The following RNF17 variants were observed in gnomAD, a reference collection of about 807,000 sequenced individuals.
RNF17 encodes the protein ring finger protein 17, also known as spermatogenesis associated 23.
Under a neutral mutation model 200.5 loss-of-function variants are expected in RNF17, and 31 were observed. That is an observed-to-expected ratio of 0.15 (90% confidence interval 0.12 to 0.21). RNF17 has a LOEUF of 0.21. RNF17 is among the 10% of genes least tolerant of loss of function. RNF17 has a pLI of 1.00. For missense variants in RNF17, 1,628 were observed against 1,905.1 expected (o/e 0.85, Z 2.71); for synonymous variants, 606 against 637.8 (o/e 0.95, Z 0.75).
At chr13:24,860,045 AT>A in intron 26 of RNF17, among the ~76,000 whole-genome samples, 1 of 151,936 alleles carries the variant, frequency 6.6e-6, no homozygotes, top group East Asian at 1.9e-4. Context: ...TGAACTACAA[AT>A]TTTTAATGGT....
intron 33 of RNF17, among the ~76,000 whole-genome samples, chr13:24,875,231 C>CA (rs778311281): frequency 3.9e-4 from 59 of 152,146 alleles, no homozygotes; most frequent in Non-Finnish European, 1.3e-4. Context: ...ATTGAAACAA[C>CA]AACAAACATT....
rs547305004 is a variant in RNF17, at chr13:24,845,226, C to A, written c.3101+147C>A. Reference sequence around the variant, plus strand: ...GAGGGAAAGAGAGAAGTTTGGAGCACGTAAATTTAGTGGCATTAAGAAATA... The same window carrying A: ...GAGGGAAAGAGAGAAGTTTGGAGCAAGTAAATTTAGTGGCATTAAGAAATA... On this transcript the variant is annotated intron_variant, in intron 22 of 35. Coordinates refer to ENST00000255324, the MANE Select transcript of RNF17 (RefSeq NM_031277.3). The A allele has an allele frequency of 2.5e-5, 14 of 563,318 alleles. No individual in the cohort carries two copies. The East Asian group carries it at 4.2e-4, about 17-fold the overall frequency. 34.9% of individuals were successfully genotyped at this position (563,318 alleles called of 1,614,324 possible).
chr13:24,818,015 T>A (rs1887601341), intron 15 of RNF17, among the ~76,000 whole-genome samples: 1 of 152,178 alleles, frequency 6.6e-6, no homozygotes, highest in Admixed American at 6.5e-5. Flanking sequence ...ATTTTAAAAT[T>A]GTGTATATAG....
At position 24,853,864 on chromosome 13, in the gene RNF17, C is replaced by T; in HGVS notation, c.3330C>T (p.Asn1110=). The T allele has an allele frequency of 2.5e-6, 4 of 1,599,704 alleles. No individual in the cohort carries two copies. Among genetic ancestry groups the T allele is most frequent in the Non-Finnish European group, 3.4e-6 (4 of 1,173,880 alleles). The change falls in exon 25 of 36, where the codon AAC becomes AAT. Residue 1110 remains asparagine (N), a synonymous_variant. Coordinates refer to ENST00000255324, the MANE Select transcript of RNF17 (RefSeq NM_031277.3). The stretch of plus-strand genomic sequence containing the variant: ...TTTTTGGATGTTACAGAATTAATAA[C>T]TTAGATAACAGCCATTCATTATCTG... ...GLALRERRIN[N]LDNSHSLSEK...
At chr13:24,820,248 A>G (rs1352080364) in intron 15 of RNF17, among the ~76,000 whole-genome samples, 35 of 149,650 alleles carry the variant, frequency 2.3e-4, no homozygotes, top group Admixed American at 2.1e-3. Context: ...CAGCCTCCCT[A>G]GTAGCTGGGA....
At chr13:24,883,775 C>CA (rs1172935786), downstream of RNF17, among the ~76,000 whole-genome samples, 3 of 151,954 alleles carry the variant, frequency 2.0e-5, no homozygotes, top group Non-Finnish European at 4.4e-5. Context: ...AAGAATGGAA[C>CA]AAAAAAGGAG....
chr13:24,812,607 G>T (rs1474894182), intron 15 of RNF17, among the ~76,000 whole-genome samples: 13 of 149,534 alleles, frequency 8.7e-5, no homozygotes, highest in African/African-American at 3.2e-4. Context: ...TGTCTTCTGC[G>T]TTGTTGACAC....
chr13:24,774,344 G>T (rs1881249303), intron 2 of RNF17, among the ~76,000 whole-genome samples: 1 of 152,108 alleles, frequency 6.6e-6, no homozygotes, highest in Admixed American at 6.6e-5. Flanking sequence ...CTAGTAGCTG[G>T]GATTACAGGC....
upstream of RNF17, chr13:24,764,045 A>G (rs1593188576): frequency 8.0e-6 from 5 of 621,866 alleles, no homozygotes; most frequent in Non-Finnish European, 1.3e-5. Flanking sequence ...GGATAACGGA[A>G]AACAGCCCCA....
intron 26 of RNF17, 132 bp downstream of exon 26, chr13:24,859,296 T>TTG: frequency 3.0e-6 from 2 of 665,298 alleles, no homozygotes; most frequent in Non-Finnish European, 4.5e-6. Flanking sequence ...ATCAGTTATA[T>TTG]TGTACTTTTA....
At chr13:24,764,888 G>GGGTGTGT (rs899352115) in intron 1 of RNF17, among the ~76,000 whole-genome samples, 59 of 134,172 alleles carry the variant, frequency 4.4e-4, no homozygotes, top group Non-Finnish European at 6.4e-4. Context: ...CACCTTGTGG[G>GGGTGTGT]GTGTGTGTGT....
At chr13:24,862,046 A>T (rs2138324368) in intron 27 of RNF17, among the ~76,000 whole-genome samples, 1 of 151,354 alleles carries the variant, frequency 6.6e-6, no homozygotes, top group South Asian at 2.1e-4. Context: ...CACTTTCAAA[A>T]CCATCAGTTC....
intron 15 of RNF17, among the ~76,000 whole-genome samples, chr13:24,807,376 G>C (rs1219425932): frequency 6.6e-6 from 1 of 151,606 alleles, no homozygotes; most frequent in Non-Finnish European, 1.5e-5. Flanking sequence ...TTGTGGTTTT[G>C]ATTTGCATTT....
chr13:24,780,495 A>G (rs960408648), intron 5 of RNF17, among the ~76,000 whole-genome samples: 3 of 152,198 alleles, frequency 2.0e-5, no homozygotes, highest in Non-Finnish European at 4.4e-5. Flanking sequence ...TCTAGCCCTC[A>G]GTATTCATGT....
chr13:24,812,961 C>T (rs979235976), intron 15 of RNF17, among the ~76,000 whole-genome samples: 3 of 151,908 alleles, frequency 2.0e-5, no homozygotes, highest in Non-Finnish European at 4.4e-5. Context: ...GGATTACAGG[C>T]GTGAGCCACC....
chr13:24,861,717 G>A (rs1379148588), intron 27 of RNF17, among the ~76,000 whole-genome samples: 1 of 152,146 alleles, frequency 6.6e-6, no homozygotes, highest in Non-Finnish European at 1.5e-5. Flanking sequence ...CTGTATTGCT[G>A]CATAACAAAT....
intron 2 of RNF17, among the ~76,000 whole-genome samples, chr13:24,774,593 A>G (rs1169776459): frequency 6.6e-6 from 1 of 152,258 alleles, no homozygotes; most frequent in African/African-American, 2.4e-5. Flanking sequence ...TTAATTAACT[A>G]AAAATTAATT....
At chr13:24,883,126 T>C, downstream of RNF17, 1 of 1,470,924 alleles carries the variant, frequency 6.8e-7, no homozygotes, top group Non-Finnish European at 9.5e-7. Context: ...AAATGTACAT[T>C]TTTTAACATA....
intron 25 of RNF17, 141 bp downstream of exon 25, chr13:24,854,285 C>G: frequency 1.7e-6 from 1 of 604,844 alleles, no homozygotes; most frequent in Non-Finnish European, 2.9e-6. Flanking sequence ...ATGCAAAGTG[C>G]TTTTAATAAT....
Sources: allele counts gnomAD v4.1 joint callset (sites outside exome capture counted in the v4.1 genomes callset), GRCh38; gene constraint gnomAD v4.1.1; transcripts MANE v1.5; gene names NCBI Gene and HGNC (gene_info 2026-07-23, HGNC 2026-07-21).